The following MTCL1 variants were observed in gnomAD, a reference collection of about 807,000 sequenced individuals.
The protein encoded by MTCL1 is microtubule crosslinking factor 1.
A neutral mutation model predicts 141.4 loss-of-function variants in MTCL1; 79 were observed. That is an observed-to-expected ratio of 0.56 (90% CI 0.47 to 0.67). MTCL1 has a LOEUF of 0.67. MTCL1 is among the 30% of genes least tolerant of loss of function. The pLI, the probability that MTCL1 is intolerant of heterozygous loss-of-function variation, is 0.00. For missense variants in MTCL1, 2,177 were observed against 2,113.9 expected (o/e 1.03, Z -0.59); for synonymous variants, 914 against 875.8 (o/e 1.04, Z -0.77).
intron 4 of MTCL1, among the ~76,000 whole-genome samples, chr18:8,757,882 C>T (rs2096410106): frequency 6.6e-6 from 1 of 152,040 alleles, no homozygotes; most frequent in Non-Finnish European, 1.5e-5. Flanking sequence ...GGTTTTAGAA[C>T]CTTGGATTTG....
upstream of MTCL1, among the ~76,000 whole-genome samples, chr18:8,714,140 T>C (rs1371947242): frequency 6.6e-6 from 1 of 152,234 alleles, no homozygotes; most frequent in Admixed American, 6.5e-5. Context: ...TTTGTCCAGG[T>C]TGAAGCAAAT....
exon 1 of MTCL1, chr18:8,706,139 G>T (rs2096057814): frequency 4.1e-6 from 5 of 1,217,400 alleles, no homozygotes; most frequent in Non-Finnish European, 5.1e-6. Context: ...GCCAAGGGCC[G>T]CAAAGCCAAG....
exon 12 of MTCL1, chr18:8,813,026 T>C: frequency 1.2e-6 from 2 of 1,614,086 alleles, no homozygotes; most frequent in Non-Finnish European, 1.7e-6. Context: ...GCTCCTCCGC[T>C]GAGAGCAAGG....
intron 4 of MTCL1, among the ~76,000 whole-genome samples, chr18:8,760,279 G>T (rs184409230): frequency 3.5e-4 from 54 of 152,294 alleles, no homozygotes; most frequent in African/African-American, 1.3e-3. Flanking sequence ...CTGGCCGTGT[G>T]GTGGGCAAGT....
chr18:8,770,659 A>G (rs1007649517), intron 4 of MTCL1, among the ~76,000 whole-genome samples: 3 of 152,226 alleles, frequency 2.0e-5, no homozygotes. Context: ...ACAAACATTT[A>G]GTCCATAACA....
Position 8,720,572 on chromosome 18 carries a change from C to T in MTCL1, c.357+76C>T, listed in dbSNP as rs2096163912. The T allele has an allele frequency of 5.6e-6, 8 of 1,436,490 alleles. No individual in the cohort carries two copies. In the South Asian group the frequency reaches 8.3e-5, roughly 15 times the overall value. The allele number at this position is 1,436,490 out of a possible 1,614,324, so 89.0% of individuals were successfully genotyped here. A position where few individuals can be genotyped will look rare whatever the true frequency, so the allele number is the denominator to read the frequency against. ...CTTGGAACTCCAAGTGCCCCCTTCT[C>T]ATTGTGGTCGAAAGCTGGGGTTGGC... is the stretch of plus-strand genomic sequence containing the variant. On this transcript the variant is annotated intron_variant, in intron 4 of 16. Coordinates refer to ENST00000359865, the Ensembl canonical transcript of MTCL1.
Position 8,784,638 on chromosome 18 carries a change from C to A in MTCL1, c.1526C>A (p.Pro509His). The A allele has an allele frequency of 6.2e-7, 1 of 1,613,836 alleles. No homozygotes were observed. The highest frequency in any genetic ancestry group is 1.3e-5 in the African/African-American group (1 of 75,058). ...CAGGGTGAGGGGGACCAGCAGGAGC[C>A]CCAGCTGCTGGGGACCATCAACGCC... Residue 509 changes from proline (P) to histidine (H), a missense_variant, in exon 6 of 17, where the codon CCC (proline) becomes CAC (histidine). Physicochemically the swap from Pro to His is moderately conservative, Grantham distance 77 (BLOSUM62 -2). Coordinates refer to ENST00000359865, the Ensembl canonical transcript of MTCL1.
chr18:8,706,988 C>T (rs992429053), intron 1 of MTCL1: 5 of 451,470 alleles, frequency 1.1e-5, no homozygotes, highest in Middle Eastern at 6.2e-4. Context: ...CTTTTGTTGA[C>T]CTGTTGGGGC....
chr18:8,711,817 A>C lies in MTCL1; in HGVS notation c.1053+5104A>C, dbSNP rs571601134. Among the ~76,000 whole-genome samples the C allele has an allele frequency of 8.4e-4, 127 of 152,032 alleles. 1 individual carries two copies. Among genetic ancestry groups the C allele is most frequent in the Non-Finnish European group, 1.4e-3 (97 of 67,972 alleles). On this transcript the variant is annotated intron_variant, in intron 1 of 13. Transcript: ENST00000306329. ...CCTTTGTCAGATGAGTAGGTTGCAA[A>C]AATTTTCTCCCATGTTGTAGGTTGA...
At chr18:8,734,568 A>G (rs1293625199) in intron 4 of MTCL1, among the ~76,000 whole-genome samples, 1 of 152,100 alleles carries the variant, frequency 6.6e-6, no homozygotes, top group East Asian at 1.9e-4. Context: ...ACCTTTTGCA[A>G]AACACCCTTT....
At chr18:8,736,080 A>G (rs529297168) in intron 4 of MTCL1, among the ~76,000 whole-genome samples, 178 of 152,312 alleles carry the variant, frequency 1.2e-3, no homozygotes, top group Middle Eastern at 3.4e-3. Context: ...ATCCTGTGTC[A>G]CATAAGCAGC....
chr18:8,818,495 C>CA (rs1236515029), intron 12 of MTCL1, among the ~76,000 whole-genome samples: 1 of 152,232 alleles, frequency 6.6e-6, no homozygotes, highest in African/African-American at 2.4e-5. Flanking sequence ...ACCTGTTCCA[C>CA]ATGCCCTGGG....
At chr18:8,775,209 C>G (rs1345838562) in intron 4 of MTCL1, among the ~76,000 whole-genome samples, 5 of 152,134 alleles carry the variant, frequency 3.3e-5, no homozygotes, top group Admixed American at 3.3e-4. Context: ...AATTAAGTCC[C>G]TTAGGTTAAA....
intron 5 of MTCL1, chr18:8,782,191 C>T (rs2096534897): frequency 6.6e-6 from 1 of 152,182 alleles, no homozygotes; most frequent in African/African-American, 2.4e-5. Flanking sequence ...AGTTAATTCT[C>T]CCCCGGGGGC....
intron 7 of MTCL1, among the ~76,000 whole-genome samples, chr18:8,792,205 G>C (rs151209706): frequency 1.1e-3 from 169 of 152,336 alleles, no homozygotes; most frequent in Non-Finnish European, 1.9e-3. Flanking sequence ...AAAATGTCAT[G>C]CTTACATTTC....
intron 4 of MTCL1, among the ~76,000 whole-genome samples, chr18:8,736,796 C>G (rs529547653): frequency 6.6e-6 from 1 of 152,136 alleles, no homozygotes; most frequent in East Asian, 1.9e-4. Flanking sequence ...CACCACCATG[C>G]CCGGCTAATT....
exon 6 of MTCL1, chr18:8,783,668 G>A (rs1339102807): frequency 5.6e-6 from 9 of 1,612,166 alleles, no homozygotes; most frequent in Non-Finnish European, 6.8e-6. Context: ...CCTCTATGGG[G>A]ATGTGGACAG....
At chr18:8,726,524 AGAGCGAGTGCGCATGCGCGCGC>A (rs1567945253) in intron 4 of MTCL1, among the ~76,000 whole-genome samples, 34 of 115,598 alleles carry the variant, frequency 2.9e-4, no homozygotes, top group African/African-American at 1.0e-3. Flanking sequence ...CGAGCGAGAG[AGAGCGAGTGCGCATGCGCGCGC>A]GCAACAAGCA....
intron 8 of MTCL1, among the ~76,000 whole-genome samples, chr18:8,794,245 C>T (rs888872858): frequency 1.3e-5 from 2 of 152,214 alleles, no homozygotes; most frequent in East Asian, 1.9e-4. Flanking sequence ...GCACAGTGTC[C>T]ATGGCCCACG....
Sources: allele counts gnomAD v4.1 joint callset (sites outside exome capture counted in the v4.1 genomes callset), GRCh38; gene constraint gnomAD v4.1.1; transcripts MANE v1.5; gene names NCBI Gene and HGNC (gene_info 2026-07-23, HGNC 2026-07-21).